The following FBXO21 variants were observed in gnomAD, a reference collection of about 807,000 sequenced individuals.
The protein encoded by FBXO21 is F-box only protein 21.
FBXO21 carries 32 observed loss-of-function variants against 76.6 expected under a neutral mutation model. That is an observed-to-expected ratio of 0.42 (90% CI 0.32 to 0.56). The LOEUF (loss-of-function observed/expected upper bound fraction) is 0.56. Among genes scored for constraint, FBXO21 ranks in the 20% least tolerant of loss-of-function variants. The pLI is 0.16. For missense variants in FBXO21, 586 were observed against 797.3 expected (o/e 0.73, Z 3.19); for synonymous variants, 328 against 311.5 (o/e 1.05, Z -0.56).
intron 3 of FBXO21, 70 bp downstream of exon 3, chr12:117,186,407 A>C: frequency 9.7e-7 from 1 of 1,032,556 alleles, no homozygotes; most frequent in East Asian, 2.4e-5. Context: ...GGGTTTAGCC[A>C]CACAGAAATT....
chr12:117,155,962 G>A lies in FBXO21; in HGVS notation c.1518-14C>T, dbSNP rs373307555. On this transcript the variant is annotated splice_polypyrimidine_tract_variant and intron_variant, in intron 10 of 11. Transcript: ENST00000622495. ...TTATAGCCATACCTAGTTAACACAG[G>A]AGGAGCAGTCAGTCCCTGCAGACCC... 1 of 1,613,034 alleles carries A rather than the reference G, an allele frequency of 6.2e-7. No homozygotes were observed.
intron 11 of FBXO21, among the ~76,000 whole-genome samples, chr12:117,146,707 C>T (rs1955774265): frequency 6.6e-6 from 1 of 152,184 alleles, no homozygotes; most frequent in Non-Finnish European, 1.5e-5. Flanking sequence ...CCTGCCACCC[C>T]TCTCCTCTAT....
intron 6 of FBXO21, 125 bp downstream of exon 6, chr12:117,174,080 T>G (rs1592889415): frequency 1.3e-6 from 1 of 768,708 alleles, no homozygotes; most frequent in South Asian, 1.8e-5. Context: ...GAGGTTGCGG[T>G]AAGCTATGAT....
intron 11 of FBXO21, among the ~76,000 whole-genome samples, chr12:117,151,364 G>A (rs12322862): frequency 0.18 from 27,485 of 152,022 alleles, 3,217 homozygotes; most frequent in Admixed American, 0.35. Context: ...AGTACACACC[G>A]GGGAAAGAAT....
rs552258844 is a variant in FBXO21, at chr12:117,182,757, T to C, written c.470+3720A>G. ...TTTGTATTTTTAGTAGAGGCAGGGT[T>C]TTACCATGTTGGACAGGCTGGTCTT... On this transcript the variant is annotated intron_variant, in intron 3 of 11. Coordinates refer to ENST00000622495, the MANE Select transcript of FBXO21 (RefSeq NM_015002.3). 3.3e-5 allele frequency among the ~76,000 whole-genome samples: 5 copies of C among 151,788 alleles called. No homozygotes were observed. The South Asian group carries it at 1.0e-3, about 32-fold the overall frequency.
intron 7 of FBXO21, among the ~76,000 whole-genome samples, chr12:117,170,452 GGAGTTTCATCCTACCA>G (rs1324331032): frequency 1.3e-5 from 2 of 152,154 alleles, no homozygotes; most frequent in African/African-American, 4.8e-5. Flanking sequence ...AGAACTAGCT[GGAGTTTCATCCTACCA>G]GATATCAGGG....
intron 1 of FBXO21, 46 bp downstream of exon 1, chr12:117,190,172 C>G: frequency 1.1e-5 from 12 of 1,108,480 alleles, no homozygotes; most frequent in Non-Finnish European, 1.2e-5. Context: ...CCCCGGGGGG[C>G]GCGGGGCGGT....
intron 3 of FBXO21, among the ~76,000 whole-genome samples, chr12:117,180,571 A>C (rs1956217492): frequency 6.6e-6 from 1 of 152,034 alleles, no homozygotes; most frequent in African/African-American, 2.4e-5. Context: ...TTCATTCCAC[A>C]TCTCTCTCTC....
intron 7 of FBXO21, among the ~76,000 whole-genome samples, chr12:117,168,787 C>A (rs749810270): frequency 1.3e-5 from 2 of 152,086 alleles, no homozygotes; most frequent in East Asian, 1.9e-4. Context: ...CTGCAACAAT[C>A]GAAGGAGAGT....
rs753566424 is a variant in FBXO21, at chr12:117,174,197, A to G, written c.876+8T>C. 4 of 1,605,996 alleles carry G rather than the reference A, an allele frequency of 2.5e-6. No individual in the cohort carries two copies. Among genetic ancestry groups the G allele is most frequent in the African/African-American group, 1.3e-5 (1 of 74,878 alleles). ...ACTATACCCATATATTACTGTACCTATATTTACCTGATGCATATATAAGTT... is the reference window on the plus strand; with the variant it reads ...ACTATACCCATATATTACTGTACCTGTATTTACCTGATGCATATATAAGTT... On this transcript the variant is annotated splice_region_variant and intron_variant, in intron 6 of 11. Coordinates refer to ENST00000622495, the MANE Select transcript of FBXO21 (RefSeq NM_015002.3).
chr12:117,179,305 C>G (rs922950944), intron 3 of FBXO21, among the ~76,000 whole-genome samples: 2 of 152,150 alleles, frequency 1.3e-5, no homozygotes, highest in Admixed American at 6.5e-5. Context: ...CCCTCCGGGG[C>G]CCCCCGCAAC....
chr12:117,158,109 G>T, intron 9 of FBXO21, 46 bp from the exon 10 acceptor site: 1 of 1,609,374 alleles, frequency 6.2e-7, no homozygotes, highest in Non-Finnish European at 8.5e-7. Flanking sequence ...TTTCAGCTAG[G>T]CCTTTTCTTT....
intron 11 of FBXO21, among the ~76,000 whole-genome samples, chr12:117,153,599 C>T (rs12304875): frequency 0.36 from 55,129 of 152,052 alleles, 11,654 homozygotes; most frequent in Admixed American, 0.54. Flanking sequence ...AGAGGAGAGT[C>T]CCCTGGAGAG....
intron 4 of FBXO21, among the ~76,000 whole-genome samples, chr12:117,176,373 C>G (rs1311296182): frequency 6.6e-6 from 1 of 152,120 alleles, no homozygotes; most frequent in Non-Finnish European, 1.5e-5. Flanking sequence ...GGAAGTGAAG[C>G]CAGGTGTATT....
rs1955736748 is a variant in FBXO21, at chr12:117,143,485, G to C, written c.*2602C>G. 6.6e-6 allele frequency: 1 copy of C among 152,160 alleles called. No homozygotes were observed. Among genetic ancestry groups the C allele is most frequent in the Admixed American group, 6.5e-5 (1 of 15,288 alleles). The allele number at this position is 152,160 out of a possible 1,614,324, so 9.4% of individuals were successfully genotyped here. On this transcript the variant is annotated 3_prime_UTR_variant, in exon 12 of 12. Transcript: ENST00000622495. Reference sequence around the variant, plus strand: ...CGGCAACAGAACGCACGAAGAACCTGGTTTTCTTTCAAAGCATGAGCAGTT... The same window carrying C: ...CGGCAACAGAACGCACGAAGAACCTCGTTTTCTTTCAAAGCATGAGCAGTT...
At chr12:117,153,959 C>A (rs1424690930) in intron 11 of FBXO21, among the ~76,000 whole-genome samples, 1 of 152,150 alleles carries the variant, frequency 6.6e-6, no homozygotes, top group Non-Finnish European at 1.5e-5. Flanking sequence ...ATATCACAAC[C>A]CCTAAAACCA....
intron 9 of FBXO21, among the ~76,000 whole-genome samples, chr12:117,160,496 C>A (rs1473826111): frequency 1.3e-5 from 2 of 152,206 alleles, no homozygotes; most frequent in Non-Finnish European, 2.9e-5. Flanking sequence ...TCATACCCCA[C>A]ACAAAACACT....
At chr12:117,177,938 TG>T (rs1362908475) in intron 3 of FBXO21, among the ~76,000 whole-genome samples, 12 of 152,164 alleles carry the variant, frequency 7.9e-5, no homozygotes, top group Non-Finnish European at 1.8e-4. Context: ...GTTCAGAAGA[TG>T]GGGAGGCATC....
intron 6 of FBXO21, among the ~76,000 whole-genome samples, chr12:117,173,978 T>C (rs893708401): frequency 6.6e-6 from 1 of 151,992 alleles, no homozygotes; most frequent in Non-Finnish European, 1.5e-5. Context: ...ACCTCATTTC[T>C]ACAAAAAATA....
Sources: gnomAD v4.1 joint callset for allele counts (sites outside exome capture counted in the v4.1 genomes callset) on GRCh38, gnomAD v4.1.1 for gene constraint, MANE v1.5 for transcripts, NCBI Gene and HGNC (gene_info 2026-07-23, HGNC 2026-07-21) for gene names.